Variants in LIMCH1 observed in about 807,000 individuals in gnomAD.
LIMCH1 encodes LIM and calponin homology domains 1, also known as LIM and calponin homology domains-containing protein 1.
In LIMCH1, 113 loss-of-function variants were observed where a neutral mutation model predicts 176.5. The observed-to-expected ratio is 0.64, with a 90% CI of 0.55 to 0.75. The LOEUF is 0.75. Among genes scored for constraint, LIMCH1 ranks in the 30% least tolerant of loss-of-function variants. The pLI is 0.00. For synonymous variants in LIMCH1, 619 were observed against 645.9 expected (o/e 0.96, Z 0.63); for missense variants, 1,674 against 1,814.9 (o/e 0.92, Z 1.41).
chr4:41,669,875 C>T (rs968268709), intron 21 of LIMCH1, among the ~76,000 whole-genome samples: 3 of 152,110 alleles, frequency 2.0e-5, no homozygotes, highest in African/African-American at 7.2e-5. Flanking sequence ...ATCCTGGAGC[C>T]ACACCTAACA....
intron 26 of LIMCH1, among the ~76,000 whole-genome samples, chr4:41,682,836 C>A (rs1414568066): frequency 1.3e-5 from 2 of 151,872 alleles, no homozygotes; most frequent in Non-Finnish European, 2.9e-5. Context: ...GCCACCACGC[C>A]CAGCTAATTT....
chr4:41,502,998 T>TGTCTGTCC (rs1335520458), intron 2 of LIMCH1, among the ~76,000 whole-genome samples: 2 of 60,642 alleles, frequency 3.3e-5, no homozygotes, highest in Non-Finnish European at 7.6e-5. Context: ...CTGGTCTGTC[T>TGTCTGTCC]GTCCATCCAT....
chr4:41,506,456 C>G (rs2074173517), intron 2 of LIMCH1, among the ~76,000 whole-genome samples: 1 of 152,016 alleles, frequency 6.6e-6, no homozygotes, highest in Admixed American at 6.5e-5. Context: ...TGCATAGCAC[C>G]AAATTAGGCA....
intron 1 of LIMCH1, among the ~76,000 whole-genome samples, chr4:41,380,217 A>G (rs990617100): frequency 4.6e-5 from 7 of 152,334 alleles, no homozygotes; most frequent in African/African-American, 1.7e-4. Context: ...AATATGCACT[A>G]TTTATATTGA....
chr4:41,685,684 C>A (rs1560381613), intron 27 of LIMCH1, 26 bp from the exon 28 acceptor site: 3 of 1,612,604 alleles, frequency 1.9e-6, no homozygotes, highest in East Asian at 4.5e-5. Context: ...CTGTGCACTA[C>A]ATTTATGTTC....
intron 2 of LIMCH1, among the ~76,000 whole-genome samples, chr4:41,511,530 G>A (rs1358699370): frequency 1.3e-5 from 2 of 152,168 alleles, no homozygotes; most frequent in Admixed American, 6.5e-5. Flanking sequence ...CTCACACATG[G>A]CACTACTCAT....
intron 5 of LIMCH1, among the ~76,000 whole-genome samples, chr4:41,616,676 C>T (rs1198113657): frequency 2.0e-5 from 3 of 152,136 alleles, no homozygotes; most frequent in African/African-American, 4.8e-5. Context: ...TTTGAGGTGT[C>T]AGCCTCAAAA....
chr4:41,401,623 A>G (rs2058450728), intron 1 of LIMCH1, among the ~76,000 whole-genome samples: 2 of 152,074 alleles, frequency 1.3e-5, no homozygotes, highest in African/African-American at 2.4e-5. Context: ...TACCTTGGGC[A>G]GTATGGCCAT....
chr4:41,676,478 C>T lies in LIMCH1; in HGVS notation c.3519+16C>T, dbSNP rs1297693672. ...TTTGCTCCAGGTAGGATGGAGTTTG[C>T]TGCTTTTTTTGTTTTTCCTTTTTTG... On this transcript the variant is annotated intron_variant, in intron 23 of 31. Coordinates refer to ENST00000503057, the MANE Select transcript of LIMCH1 (RefSeq NM_001330672.2). 6.2e-7 allele frequency: 1 copy of T among 1,606,136 alleles called. No homozygotes were observed. The highest frequency in any genetic ancestry group is 8.5e-7 in the Non-Finnish European group (1 of 1,173,036).
intron 1 of LIMCH1, among the ~76,000 whole-genome samples, chr4:41,553,061 C>T (rs982453468): frequency 2.0e-5 from 3 of 152,200 alleles, no homozygotes; most frequent in African/African-American, 7.2e-5. Context: ...CTGGTATAAT[C>T]AGCCTTCCAG....
At chr4:41,614,395 T>G (rs1209482788) in intron 5 of LIMCH1, among the ~76,000 whole-genome samples, 1 of 152,236 alleles carries the variant, frequency 6.6e-6, no homozygotes, top group Non-Finnish European at 1.5e-5. Flanking sequence ...ACCTTTGTAC[T>G]TTTAGAAGGA....
At chr4:41,622,053 C>T (rs144223976) in intron 7 of LIMCH1, among the ~76,000 whole-genome samples, 13 of 151,712 alleles carry the variant, frequency 8.6e-5, no homozygotes, top group Middle Eastern at 3.4e-3. Context: ...ATTCTGAACA[C>T]GTATGTGCTT....
At chr4:41,658,863 T>G (rs2094534479) in intron 18 of LIMCH1, among the ~76,000 whole-genome samples, 1 of 152,328 alleles carries the variant, frequency 6.6e-6, no homozygotes, top group Middle Eastern at 3.4e-3. Flanking sequence ...CTCAAGAGGC[T>G]CATTCATCAA....
intron 2 of LIMCH1, among the ~76,000 whole-genome samples, chr4:41,601,009 A>C (rs2089825814): frequency 6.7e-6 from 1 of 148,296 alleles, no homozygotes; most frequent in Admixed American, 6.7e-5. Flanking sequence ...CTCCTTTTGT[A>C]TTTCTTCTCC....
chr4:41,666,782 GT>G (rs1190607501), intron 21 of LIMCH1, 116 bp downstream of exon 21: 1 of 683,624 alleles, frequency 1.5e-6, no homozygotes, highest in African/African-American at 1.8e-5. Context: ...TAGCCAGGGT[GT>G]TTGCCAGAGT....
At chr4:41,420,600 C>A in intron 1 of LIMCH1, among the ~76,000 whole-genome samples, 1 of 152,320 alleles carries the variant, frequency 6.6e-6, no homozygotes, top group East Asian at 1.9e-4. Context: ...ATATGAACCA[C>A]GCCTTAGGTT....
At chr4:41,558,585 C>A (rs1179142457) in intron 1 of LIMCH1, among the ~76,000 whole-genome samples, 1 of 152,114 alleles carries the variant, frequency 6.6e-6, no homozygotes, top group African/African-American at 2.4e-5. Context: ...AGAGGCAAAC[C>A]TGAAGTCAGC....
At chr4:41,445,226 G>T (rs1183272571) in intron 1 of LIMCH1, among the ~76,000 whole-genome samples, 1 of 152,018 alleles carries the variant, frequency 6.6e-6, no homozygotes, top group Non-Finnish European at 1.5e-5. Context: ...GGATGGTCTT[G>T]ATCTCCTGAC....
chr4:41,423,508 G>A (rs1056925890), intron 1 of LIMCH1, among the ~76,000 whole-genome samples: 4 of 151,998 alleles, frequency 2.6e-5, no homozygotes, highest in Non-Finnish European at 4.4e-5. Flanking sequence ...ATTTGAGAGT[G>A]GAAATGGGAG....
Sources: allele counts gnomAD v4.1 joint callset (sites outside exome capture counted in the v4.1 genomes callset), GRCh38; gene constraint gnomAD v4.1.1; transcripts MANE v1.5; gene names NCBI Gene and HGNC (gene_info 2026-07-23, HGNC 2026-07-21).